ATRX: variants seen among roughly 807,000 people sequenced by gnomAD.
ATRX encodes the protein ATRX chromatin remodeler, also known as chromatin remodeler ATRX.
Under a neutral mutation model 172.6 loss-of-function variants are expected in ATRX, and 12 were observed. The observed-to-expected ratio is 0.07, with a 90% confidence interval of 0.04 to 0.11. ATRX has a LOEUF of 0.11. Ranked by LOEUF, ATRX falls within the 10% of genes least tolerant of loss-of-function variation. ATRX has a pLI of 1.00. For missense variants in ATRX, 1,368 were observed against 1,767.4 expected, an observed-to-expected ratio of 0.77 and a Z score of 4.05; for synonymous variants, 674 against 594.7, an observed-to-expected ratio of 1.13 and a Z score of -1.94.
rs782208016 is a variant in ATRX at position 77,505,144 on chromosome X, C to T, written c.*3207G>A. 13 of 170,852 alleles carry T rather than the reference C, an allele frequency of 7.6e-5. No individual in the cohort carries two copies. The South Asian group carries it at 3.2e-3, about 42-fold the overall frequency. The allele number at this position is 170,852 out of a possible 1,213,427, so 14.1% of individuals were successfully genotyped here. ...TATAATAAACATGTAAAAGGATTGA[C>T]CTGTTTTACTGGTAGAATAAGTCTC... On this transcript the variant is annotated 3_prime_UTR_variant, in exon 35 of 35. Coordinates refer to ENST00000373344, the MANE Select transcript of ATRX (RefSeq NM_000489.6).
rs782438788 is a variant in ATRX at position 77,663,487 on chromosome X, T to C, written c.4015A>G (p.Arg1339Gly). 3 of 1,209,260 alleles carry C rather than the reference T, an allele frequency of 2.5e-6. No homozygotes were observed. Among genetic ancestry groups the C allele is most frequent in the African/African-American group, 1.7e-5 (1 of 57,352 alleles). Residue 1339 changes from arginine to glycine, a missense_variant, in exon 12 of 35, where the codon AGG becomes GGG. Around this residue, in one of 17 missense-constraint regions of ATRX, gnomAD observed 119 missense variants for 131.3 expected, o/e 0.91. Coordinates refer to ENST00000373344, the MANE Select transcript of ATRX (RefSeq NM_000489.6). ...EESKKPRYRHRLLRHKLTVSD... is the reference protein window; with the variant it reads ...EESKKPRYRHGLLRHKLTVSD... ...ACAGTCAATTTGTGCCGCAAAAGCC[T>C]ATGTCTGTATCTTGGCTTCTTAGAT...
At chrX:77,589,048 G>C (rs888780530) in intron 27 of ATRX, among the ~76,000 whole-genome samples, 2 of 112,442 alleles carry the variant, frequency 1.8e-5, no homozygotes, top group African/African-American at 6.5e-5. Flanking sequence ...AGGCAGTGTA[G>C]AAAACAGTTT....
chrX:77,511,753 T>C (rs2062877142), intron 34 of ATRX, among the ~76,000 whole-genome samples: 1 of 111,483 alleles, frequency 9.0e-6, no homozygotes, highest in Non-Finnish European at 1.9e-5. Flanking sequence ...AGACAGGCTA[T>C]TTGAAAATGT....
intron 1 of ATRX, among the ~76,000 whole-genome samples, chrX:77,754,268 C>T (rs1471879652): frequency 9.0e-6 from 1 of 111,017 alleles, no homozygotes; most frequent in Non-Finnish European, 1.9e-5. Flanking sequence ...ATACAGCACA[C>T]CAATGGGTCT....
chrX:77,645,233 A>G (rs782212048), intron 15 of ATRX, among the ~76,000 whole-genome samples: 1 of 111,675 alleles, frequency 9.0e-6, no homozygotes, highest in African/African-American at 3.3e-5. Context: ...GTATCCTCGA[A>G]CCCCTGGCTA....
In ATRX at chrX:77,650,761, T is replaced by A. The variant is rs782078026; in HGVS notation, c.4557+1353A>T. Among the ~76,000 whole-genome samples, 6 of 110,746 alleles carry A rather than the reference T, an allele frequency of 5.4e-5. No individual in the cohort carries two copies. The South Asian group carries it at 2.3e-3, about 42-fold the overall frequency. Reference sequence around the variant, plus strand: ...CACCATACCTGGCTAATTTTTTTTGTATTTTTAGTAGAGACGGGGTTTCAC... The same window carrying A: ...CACCATACCTGGCTAATTTTTTTTGAATTTTTAGTAGAGACGGGGTTTCAC... On this transcript the variant is annotated intron_variant, in intron 15 of 34. Transcript: ENST00000373344.
intron 1 of ATRX, among the ~76,000 whole-genome samples, chrX:77,745,481 T>G (rs184639256): frequency 9.0e-6 from 1 of 111,487 alleles, no homozygotes; most frequent in Non-Finnish European, 1.9e-5. Flanking sequence ...TGAAATAATC[T>G]AGACATAGAA....
At chrX:77,737,953 C>A (rs2074676031) in intron 1 of ATRX, among the ~76,000 whole-genome samples, 1 of 111,473 alleles carries the variant, frequency 9.0e-6, no homozygotes, top group African/African-American at 3.3e-5. Context: ...TGCACACTGA[C>A]CTCATTTAAA....
chrX:77,778,588 G>A (rs2076444135), intron 1 of ATRX, among the ~76,000 whole-genome samples: 1 of 109,199 alleles, frequency 9.2e-6, no homozygotes, highest in African/African-American at 3.3e-5. Flanking sequence ...AGGCATGGTG[G>A]CACACGCCTG....
At chrX:77,757,342 C>G (rs782560742) in intron 1 of ATRX, among the ~76,000 whole-genome samples, 1 of 111,648 alleles carries the variant, frequency 9.0e-6, no homozygotes, top group Non-Finnish European at 1.9e-5. Flanking sequence ...CCACATCATG[C>G]AATTCCAAAT....
rs782420780 is a variant in ATRX, at chrX:77,508,669, T to G, written c.7201-40A>C. The G allele has an allele frequency of 4.2e-6, 5 of 1,201,570 alleles. 1 individual carries two copies. In the South Asian group the frequency reaches 8.8e-5, roughly 21 times the overall value. Reference sequence around the variant, plus strand: ...TGGGAGTCATTACAAGTGCATGACCTGTCTCAAAAGAGGTATCAAGTTTTG... The same window carrying G: ...TGGGAGTCATTACAAGTGCATGACCGGTCTCAAAAGAGGTATCAAGTTTTG... On this transcript the variant is annotated intron_variant, in intron 34 of 34. Coordinates refer to ENST00000373344, the MANE Select transcript of ATRX (RefSeq NM_000489.6).
At chrX:77,772,032 C>T (rs782702405) in intron 1 of ATRX, among the ~76,000 whole-genome samples, 7 of 111,920 alleles carry the variant, frequency 6.3e-5, no homozygotes, top group East Asian at 2.8e-4. Flanking sequence ...TGGTGGCTCA[C>T]GCCTGTAATC....
chrX:77,724,288 TA>T (rs1462200848), intron 1 of ATRX, among the ~76,000 whole-genome samples: 1 of 79,876 alleles, frequency 1.3e-5, no homozygotes, highest in African/African-American at 4.8e-5. Context: ...AATAAATAAA[TA>T]AACAAATAAA....
intron 22 of ATRX, among the ~76,000 whole-genome samples, chrX:77,612,612 CTG>C (rs2067205323): frequency 8.9e-6 from 1 of 111,771 alleles, no homozygotes. Flanking sequence ...AAAAAATTTA[CTG>C]TTTTAACTAC....
At chrX:77,718,108 C>T (rs916971649) in intron 1 of ATRX, among the ~76,000 whole-genome samples, 1 of 110,391 alleles carries the variant, frequency 9.1e-6, no homozygotes, top group Non-Finnish European at 1.9e-5. Flanking sequence ...TTTATACTAG[C>T]CAACACCCAG....
chrX:77,610,688 G>A (rs1199837059), intron 22 of ATRX, among the ~76,000 whole-genome samples: 1 of 109,961 alleles, frequency 9.1e-6, no homozygotes, highest in Admixed American at 9.8e-5. Context: ...ACAGAAATGG[G>A]TACTATTTCA....
At chrX:77,606,758 A>AAT (rs2066923332) in intron 22 of ATRX, among the ~76,000 whole-genome samples, 1 of 15,016 alleles carries the variant, frequency 6.7e-5, no homozygotes, top group Non-Finnish European at 1.6e-4. Context: ...TCATCTCTAC[A>AAT]AAAAAAAAAA....
intron 19 of ATRX, among the ~76,000 whole-genome samples, chrX:77,625,325 T>C (rs782659576): frequency 4.4e-5 from 5 of 112,477 alleles, no homozygotes; most frequent in African/African-American, 1.6e-4. Flanking sequence ...CTTCTAGACA[T>C]TGGCTTAGTC....
chrX:77,680,946 C>T, intron 9 of ATRX, among the ~76,000 whole-genome samples: 1 of 111,563 alleles, frequency 9.0e-6, no homozygotes, highest in Admixed American at 9.5e-5. Context: ...GCTAATCCAG[C>T]TAATGTTTGG....
Sources: gnomAD v4.1 joint callset for allele counts (sites outside exome capture counted in the v4.1 genomes callset) on GRCh38, gnomAD v4.1.1 for gene constraint, gnomAD v4.1.1 regional missense constraint, MANE v1.5 for transcripts, NCBI Gene and HGNC (gene_info 2026-07-23, HGNC 2026-07-21) for gene names.